The following ZNF195 variants were observed in gnomAD, a reference collection of about 807,000 sequenced individuals.
ZNF195 encodes the protein zinc finger protein 195, also known as hypoxia-regulated factor-1.
ZNF195 carries 11 observed loss-of-function variants against 19.5 expected under a neutral mutation model. That is an observed-to-expected ratio of 0.57 (90% CI 0.36 to 0.94). ZNF195 has a LOEUF of 0.94. Among genes scored for constraint, ZNF195 ranks in the 40% least tolerant of loss-of-function variants. ZNF195 has a pLI of 0.01. For missense variants in ZNF195, 582 were observed against 709.0 expected (o/e 0.82, Z 2.03); for synonymous variants, 214 against 248.1 (o/e 0.86, Z 1.29).
chr11:3,375,726 C>G (rs566685191), intron 1 of ZNF195: 1 of 152,180 alleles, frequency 6.6e-6, no homozygotes, highest in Non-Finnish European at 1.5e-5. Flanking sequence ...TTGTTTTTTA[C>G]TGAAGTACCA....
chr11:3,378,377 T>TA (rs35553440), intron 1 of ZNF195, among the ~76,000 whole-genome samples: 108,799 of 149,924 alleles, frequency 0.73, 39,920 homozygotes, highest in Admixed American at 0.79. Flanking sequence ...GTTCTTAGGT[T>TA]AAAAAAAAAA....
intron 1 of ZNF195, chr11:3,377,587 G>A: frequency 8.8e-7 from 1 of 1,131,526 alleles, no homozygotes; most frequent in Non-Finnish European, 1.1e-6. Context: ...TGGGTTGGGT[G>A]AAGACAATCT....
chr11:3,379,095 G>A lies in ZNF195; in HGVS notation c.-55C>T, dbSNP rs1021936900. On this transcript the variant is annotated 5_prime_UTR_variant, in exon 1 of 6. Coordinates refer to ENST00000399602, the MANE Select transcript of ZNF195 (RefSeq NM_001130520.3). ...ACTTCTGGATCTCCCGGTGCCTGCGGGTCACACGACCTACGGCTAGCAGGG... is the reference window on the plus strand; with the variant it reads ...ACTTCTGGATCTCCCGGTGCCTGCGAGTCACACGACCTACGGCTAGCAGGG... The A allele has an allele frequency of 4.7e-6, 7 of 1,478,490 alleles. No individual in the cohort carries two copies. The highest frequency in any genetic ancestry group is 2.7e-5 in the South Asian group (2 of 73,108). 91.6% of individuals were successfully genotyped at this position (1,478,490 alleles called of 1,614,324 possible).
At chr11:3,361,329 A>G (rs1279978164) in intron 4 of ZNF195, among the ~76,000 whole-genome samples, 1 of 152,222 alleles carries the variant, frequency 6.6e-6, no homozygotes, top group African/African-American at 2.4e-5. Flanking sequence ...TGACATGTAC[A>G]AAGTATTAGG....
At chr11:3,377,338 G>C (rs1031287960) in intron 1 of ZNF195, among the ~76,000 whole-genome samples, 1 of 152,080 alleles carries the variant, frequency 6.6e-6, no homozygotes, top group African/African-American at 2.4e-5. Context: ...CCTGTTCACC[G>C]AAGTGCTCAC....
intron 3 of ZNF195, 108 bp from the exon 4 acceptor site, chr11:3,361,997 C>T (rs370596401): frequency 2.0e-4 from 89 of 441,000 alleles, no homozygotes; most frequent in Non-Finnish European, 3.4e-4. Flanking sequence ...AAGTGGAGGC[C>T]GCAGTGAGCC....
Position 3,359,970 on chromosome 11 carries a change from C to T in ZNF195, c.1038G>A (p.Glu346=), listed in dbSNP as rs768571669. Reference sequence around the variant, plus strand: ...TGCAGGGTTTTTCCTCAGTACCATGCTCATGTTCAGTAAGGTGGGAGCACT... The same window carrying T: ...TGCAGGGTTTTTCCTCAGTACCATGTTCATGTTCAGTAAGGTGGGAGCACT... The part of the protein sequence containing the change: ...FNQCSHLTEH[E]HGTEEKPCKY... The change falls in exon 6 of 6, where the codon GAG becomes GAA. Residue 346 remains glutamate (E), a synonymous_variant. Transcript: ENST00000399602. This position sits in a 1 kb window ranked among gnomAD's most constrained non-coding sequence, Gnocchi z 5.5. 35 of 1,614,030 alleles carry T rather than the reference C, an allele frequency of 2.2e-5. No homozygotes were observed. The South Asian group carries it at 3.5e-4, about 16-fold the overall frequency.
At chr11:3,365,203 T>G (rs1848814553) in intron 3 of ZNF195, among the ~76,000 whole-genome samples, 1 of 152,172 alleles carries the variant, frequency 6.6e-6, no homozygotes, top group Non-Finnish European at 1.5e-5. Context: ...ATACAATAAT[T>G]ATCAACTCTA....
At position 3,377,482 on chromosome 11, in the gene ZNF195, C is replaced by CT. The variant is rs948082034; in HGVS notation, c.3+1555dup. 127 of 742,668 alleles carry CT rather than the reference C, an allele frequency of 1.7e-4. No homozygotes were observed. In the African/African-American group the frequency reaches 2.1e-3, roughly 13 times the overall value. The allele number at this position is 742,668 out of a possible 1,614,324, so 46.0% of individuals were successfully genotyped here. A position where few individuals can be genotyped will look rare whatever the true frequency, so the allele number is the denominator to read the frequency against. On this transcript the variant is annotated intron_variant, in intron 1 of 5. Coordinates refer to ENST00000399602, the MANE Select transcript of ZNF195 (RefSeq NM_001130520.3). The stretch of plus-strand genomic sequence containing the variant: ...AAACATTCTGTCTCCCTTCACAAAT[C>CT]TGAGAGTCCAAAGGGCAGAAATGAT...
chr11:3,361,820 G>C lies in ZNF195; in HGVS notation c.296C>G (p.Ala99Gly), dbSNP rs927199921. 17 of 797,544 alleles carry C rather than the reference G, an allele frequency of 2.1e-5. No homozygotes were observed. The Admixed American group carries it at 4.0e-4, about 19-fold the overall frequency. The allele number at this position is 797,544 out of a possible 1,614,324, so 49.4% of individuals were successfully genotyped here. A position where few individuals can be genotyped will look rare whatever the true frequency, so the allele number is the denominator to read the frequency against. Residue 99 changes from alanine to glycine, a missense_variant, in exon 4 of 6, where the codon GCC becomes GGC. Around this residue, in one of 3 missense-constraint regions of ZNF195, gnomAD observed 129 missense variants for 112.1 expected, o/e 1.15. Transcript: ENST00000399602. ...LLGSSDLPAS[A>G]SQSAGITGVN... Reference sequence around the variant, plus strand: ...ACCTGTAATCCCAGCACTTTGGGAGGCTGAGGCAGGCAGATCGCTTGAGCC... The same window carrying C: ...ACCTGTAATCCCAGCACTTTGGGAGCCTGAGGCAGGCAGATCGCTTGAGCC...
intron 3 of ZNF195, chr11:3,362,478 G>T (rs913125030): frequency 2.4e-6 from 1 of 418,484 alleles, no homozygotes; most frequent in African/African-American, 2.0e-5. Context: ...TAACAAAGTT[G>T]AGGGCAGATT....
rs764255175 is a variant in ZNF195 at position 3,360,524 on chromosome 11, C to T, written c.484G>A (p.Gly162Ser). ...CTTTTTGGGAATGCATCTTGTATGC[C>T]CTGCTCTGGCAGAAGGTCTTGGGTA... ...HFTQDLLPEQ[G>S]IQDAFPKRIL... The change falls in exon 6 of 6, where the codon GGC becomes AGC. Residue 162 changes from glycine (G) to serine (S), a missense_variant. Physicochemically the swap from Gly to Ser is moderately conservative, Grantham distance 56 (BLOSUM62 0). Transcript: ENST00000399602. The T allele has an allele frequency of 3.1e-6, 5 of 1,597,408 alleles. No individual in the cohort carries two copies. In the East Asian group the frequency reaches 9.0e-5, roughly 29 times the overall value.
At chr11:3,368,356 C>T (rs771690898) in intron 3 of ZNF195, among the ~76,000 whole-genome samples, 3 of 152,122 alleles carry the variant, frequency 2.0e-5, no homozygotes, top group African/African-American at 4.8e-5. Flanking sequence ...GCCTATAATC[C>T]CAACTATTCA....
At chr11:3,367,005 C>T (rs1252923873) in intron 3 of ZNF195, 1 of 447,894 alleles carries the variant, frequency 2.2e-6, no homozygotes, top group Admixed American at 2.4e-5. Flanking sequence ...GCAGAGGTTG[C>T]AGTGAGCTGA....
Position 3,360,450 on chromosome 11 carries a change from C to T in ZNF195, c.558G>A (p.Arg186=). ...GNCGLDNLYL[R]KDWESLDECK... is the part of the protein sequence containing the mutation. ...ACTCATCTAAACTTTCCCAGTCTTT[C>T]CTTAAATATAAATTATCAAGGCCAC... The change falls in exon 6 of 6, where the codon AGG becomes AGA. Residue 186 remains arginine (R), a synonymous_variant. Coordinates refer to ENST00000399602, the MANE Select transcript of ZNF195 (RefSeq NM_001130520.3). 1 of 1,611,708 alleles carries T rather than the reference C, an allele frequency of 6.2e-7. No individual in the cohort carries two copies. Among genetic ancestry groups the T allele is most frequent in the South Asian group, 1.1e-5 (1 of 90,854 alleles).
At chr11:3,370,219 T>C (rs985076248) in intron 3 of ZNF195, among the ~76,000 whole-genome samples, 1 of 151,806 alleles carries the variant, frequency 6.6e-6, no homozygotes, top group African/African-American at 2.4e-5. Context: ...TACACACATA[T>C]ATACACACAT....
At position 3,377,732 on chromosome 11, in the gene ZNF195, G is replaced by A. The variant is rs367988101; in HGVS notation, c.3+1306C>T. On this transcript the variant is annotated intron_variant, in intron 1 of 5. Transcript: ENST00000399602. ...TCCTCTGAGAAATAACCCAGGGCCTGAAATTCACTAGATGCTCCAGCAGAC... is the reference window on the plus strand; with the variant it reads ...TCCTCTGAGAAATAACCCAGGGCCTAAAATTCACTAGATGCTCCAGCAGAC... 1.8e-5 allele frequency: 20 copies of A among 1,089,250 alleles called. No homozygotes were observed. The East Asian group carries it at 4.6e-4, about 25-fold the overall frequency. 67.5% of individuals were successfully genotyped at this position (1,089,250 alleles called of 1,614,324 possible). A position where few individuals can be genotyped will look rare whatever the true frequency, so the allele number is the denominator to read the frequency against.
Position 3,379,139 on chromosome 11 carries a change from C to G in ZNF195, c.-99G>C. 7.2e-7 allele frequency: 1 copy of G among 1,381,630 alleles called. No individual in the cohort carries two copies. The highest frequency in any genetic ancestry group is 9.5e-7 in the Non-Finnish European group (1 of 1,053,146). 85.6% of individuals were successfully genotyped at this position (1,381,630 alleles called of 1,614,324 possible). A position where few individuals can be genotyped will look rare whatever the true frequency, so the allele number is the denominator to read the frequency against. On this transcript the variant is annotated 5_prime_UTR_variant, in exon 1 of 6. Coordinates refer to ENST00000399602, the MANE Select transcript of ZNF195 (RefSeq NM_001130520.3). ...AGCAGGGGACACAGAGCCGCGGGGA[C>G]AGGAAGTGGAGCTCTGTCGGGACAA...
intron 3 of ZNF195, chr11:3,362,910 A>C (rs1283514941): frequency 1.7e-5 from 3 of 179,306 alleles, no homozygotes; most frequent in Non-Finnish European, 3.5e-5. Context: ...TTTCATGCAA[A>C]TGTTAATGAA....
Sources: gnomAD v4.1 joint callset for allele counts (sites outside exome capture counted in the v4.1 genomes callset) on GRCh38, gnomAD v4.1.1 for gene constraint, gnomAD v4.1.1 regional missense constraint, Gnocchi (gnomAD v3.1) non-coding constraint, MANE v1.5 for transcripts, NCBI Gene and HGNC (gene_info 2026-07-23, HGNC 2026-07-21) for gene names.